SNX6: variants seen among roughly 807,000 people sequenced by gnomAD.
SNX6 encodes the protein sorting nexin 6, also known as sorting nexin-6.
In SNX6, 34 loss-of-function variants were observed where a neutral mutation model predicts 63.0. That is an observed-to-expected ratio of 0.54 (90% CI 0.41 to 0.72). The LOEUF (loss-of-function observed/expected upper bound fraction) is 0.72, where lower values mean the gene tolerates loss of function less well. Among genes scored for constraint, SNX6 ranks in the 30% least tolerant of loss-of-function variants. SNX6 has a pLI of 0.00. For synonymous variants in SNX6, 170 were observed against 164.2 expected (o/e 1.04, Z -0.27); for missense variants, 398 against 471.4 (o/e 0.84, Z 1.44).
chr14:34,594,455 G>A (rs1244372099), intron 7 of SNX6, among the ~76,000 whole-genome samples: 1 of 152,082 alleles, frequency 6.6e-6, no homozygotes, highest in Non-Finnish European at 1.5e-5. Flanking sequence ...CCTGGCTCAA[G>A]CAATCCTCCT....
chr14:34,599,833 G>GC (rs1271667179), intron 6 of SNX6, among the ~76,000 whole-genome samples: 2 of 150,696 alleles, frequency 1.3e-5, no homozygotes, highest in Non-Finnish European at 2.9e-5. Context: ...TTGATCTGTG[G>GC]CCCCTTCATC....
chr14:34,615,305 C>T (rs1883377060), intron 2 of SNX6, among the ~76,000 whole-genome samples: 1 of 152,132 alleles, frequency 6.6e-6, no homozygotes, highest in Non-Finnish European at 1.5e-5. Flanking sequence ...AGGCCACCTA[C>T]CATACTCACA....
intron 9 of SNX6, among the ~76,000 whole-genome samples, chr14:34,585,105 G>A (rs913139982): frequency 6.6e-6 from 1 of 152,122 alleles, no homozygotes; most frequent in Admixed American, 6.6e-5. Context: ...GCCCGCCTCG[G>A]CCTCTCAAAG....
chr14:34,592,128 C>T (rs751361342), intron 8 of SNX6, among the ~76,000 whole-genome samples: 23 of 152,294 alleles, frequency 1.5e-4, no homozygotes, highest in Middle Eastern at 3.4e-3. Context: ...TGGCTCACGC[C>T]TGTAATCCCT....
chr14:34,625,223 C>T (rs1566496303), intron 2 of SNX6, among the ~76,000 whole-genome samples: 1 of 152,054 alleles, frequency 6.6e-6, no homozygotes, highest in Non-Finnish European at 1.5e-5. Context: ...CCAAGACTCC[C>T]TTTCTTAAAA....
chr14:34,618,923 T>C (rs1475044014), intron 2 of SNX6, among the ~76,000 whole-genome samples: 3 of 152,166 alleles, frequency 2.0e-5, no homozygotes, highest in African/African-American at 7.2e-5. Flanking sequence ...TTTAAAAATG[T>C]CTCTTCATGA....
At chr14:34,593,748 T>TG (rs1405986966) in intron 7 of SNX6, among the ~76,000 whole-genome samples, 12 of 151,038 alleles carry the variant, frequency 7.9e-5, no homozygotes, top group Non-Finnish European at 1.8e-4. Flanking sequence ...ATTTTTTTTT[T>TG]TTTGTATTTT....
intron 6 of SNX6, among the ~76,000 whole-genome samples, chr14:34,600,440 CTTCT>C (rs141269013): frequency 1.4e-4 from 21 of 151,046 alleles, no homozygotes; most frequent in South Asian, 4.2e-4. Flanking sequence ...CTTTCTTCTT[CTTCT>C]TTTTTTTTTT....
chr14:34,618,027 T>C (rs1883487756), intron 2 of SNX6, among the ~76,000 whole-genome samples: 1 of 152,156 alleles, frequency 6.6e-6, no homozygotes, highest in Non-Finnish European at 1.5e-5. Context: ...GTTGTTCATA[T>C]TTTGACAGCA....
chr14:34,612,083 T>C (rs889881915), intron 2 of SNX6, among the ~76,000 whole-genome samples: 6 of 151,808 alleles, frequency 4.0e-5, no homozygotes, highest in African/African-American at 1.5e-4. Context: ...CCAGCCTCCT[T>C]TTTTTCTTTA....
At chr14:34,570,754 C>G (rs555392083) in intron 11 of SNX6, among the ~76,000 whole-genome samples, 1 of 115,448 alleles carries the variant, frequency 8.7e-6, no homozygotes, top group Admixed American at 9.8e-5. Flanking sequence ...GATGGAGTCT[C>G]ACTGTGTCGC....
intron 2 of SNX6, among the ~76,000 whole-genome samples, chr14:34,617,607 C>CAAA (rs34716944): frequency 2.5e-4 from 17 of 66,932 alleles, no homozygotes; most frequent in African/African-American, 7.0e-4. Flanking sequence ...GACCCTGTCT[C>CAAA]AAAAAAAAAA....
chr14:34,592,157 G>A (rs1041516902), intron 8 of SNX6, among the ~76,000 whole-genome samples: 1 of 152,176 alleles, frequency 6.6e-6, no homozygotes, highest in Admixed American at 6.6e-5. Flanking sequence ...GAAGGCCAAG[G>A]CGGGTGGATC....
chr14:34,613,710 G>A (rs532991775), intron 2 of SNX6, among the ~76,000 whole-genome samples: 3 of 151,726 alleles, frequency 2.0e-5, no homozygotes, highest in African/African-American at 7.3e-5. Context: ...GGAGAATGGC[G>A]TGAACCCAGG....
intron 5 of SNX6, chr14:34,604,084 G>C: frequency 8.8e-7 from 1 of 1,137,288 alleles, no homozygotes; most frequent in Non-Finnish European, 1.1e-6. Flanking sequence ...TCAAGGAAAA[G>C]GCTTGATATT....
chr14:34,563,019 T>G lies in SNX6; in HGVS notation c.*103A>C. ...GGAGTTGATGCACTTTTTCAGCTGCTTTTTGTTTGTTTCCAGTGAGCATAA... is the reference window on the plus strand; with the variant it reads ...GGAGTTGATGCACTTTTTCAGCTGCGTTTTGTTTGTTTCCAGTGAGCATAA... On this transcript the variant is annotated 3_prime_UTR_variant, in exon 14 of 14. Transcript: ENST00000362031. 8.3e-7 allele frequency: 1 copy of G among 1,205,848 alleles called. No homozygotes were observed. Among genetic ancestry groups the G allele is most frequent in the Non-Finnish European group, 1.2e-6 (1 of 829,888 alleles). The allele number at this position is 1,205,848 out of a possible 1,614,324, so 74.7% of individuals were successfully genotyped here.
intron 2 of SNX6, among the ~76,000 whole-genome samples, chr14:34,613,254 C>T (rs1883300545): frequency 6.6e-6 from 1 of 152,230 alleles, no homozygotes; most frequent in Admixed American, 6.5e-5. Context: ...ATCCTGACTT[C>T]TCTGACTTCA....
intron 8 of SNX6, among the ~76,000 whole-genome samples, chr14:34,589,910 A>T (rs934503869): frequency 3.3e-5 from 5 of 152,086 alleles, no homozygotes; most frequent in African/African-American, 1.2e-4. Flanking sequence ...CAGGAGTTCA[A>T]GACCAACCCA....
intron 4 of SNX6, among the ~76,000 whole-genome samples, chr14:34,607,514 G>A (rs1293808604): frequency 6.6e-6 from 1 of 152,116 alleles, no homozygotes; most frequent in Non-Finnish European, 1.5e-5. Context: ...AGTGACTGAG[G>A]CAGGGGAATC....
Sources: allele counts gnomAD v4.1 joint callset (sites outside exome capture counted in the v4.1 genomes callset), GRCh38; gene constraint gnomAD v4.1.1; transcripts MANE v1.5; gene names NCBI Gene and HGNC (gene_info 2026-07-23, HGNC 2026-07-21).